The following RHOBTB2 variants were observed in gnomAD, a reference collection of about 807,000 sequenced individuals.
RHOBTB2 encodes rho-related BTB domain-containing protein 2.
RHOBTB2 carries 39 observed loss-of-function variants against 66.5 expected under a neutral mutation model. The ratio of observed to expected loss-of-function variants is 0.59; its 90% CI spans 0.45 to 0.77. RHOBTB2 has a LOEUF of 0.77. RHOBTB2 is among the 30% of genes least tolerant of loss of function. The pLI is 0.00. For synonymous variants in RHOBTB2, 390 were observed against 395.0 expected, an observed-to-expected ratio of 0.99 and a Z score of 0.15; for missense variants, 755 against 999.1, an observed-to-expected ratio of 0.76 and a Z score of 3.29.
At chr8:22,976,590 T>C in the RHOBTB2 span, among the ~76,000 whole-genome samples, 1 of 152,212 alleles carries the variant, frequency 6.6e-6, no homozygotes, top group East Asian at 1.9e-4. Context: ...TTGGGGTAAA[T>C]GTCAGAAGCA....
chr8:22,951,165 A>G, the RHOBTB2 span, among the ~76,000 whole-genome samples: 1 of 151,954 alleles, frequency 6.6e-6, no homozygotes, highest in Non-Finnish European at 1.5e-5. Flanking sequence ...CATTTTTCTA[A>G]GACAAAAAGG....
chr8:22,994,822 A>C (rs1003757280), upstream of RHOBTB2, among the ~76,000 whole-genome samples: 4 of 152,168 alleles, frequency 2.6e-5, no homozygotes, highest in African/African-American at 9.6e-5. Flanking sequence ...CTGGAGTGCA[A>C]TGGCGTGATC....
intron 1 of RHOBTB2, among the ~76,000 whole-genome samples, chr8:22,989,665 C>A (rs1293997404): frequency 6.6e-6 from 1 of 152,154 alleles, no homozygotes; most frequent in African/African-American, 2.4e-5. Context: ...AAACTGAAGG[C>A]CAGAGGTAAA....
chr8:23,015,436 G>C (rs943158936), intron 8 of RHOBTB2, among the ~76,000 whole-genome samples: 9 of 152,140 alleles, frequency 5.9e-5, no homozygotes, highest in Non-Finnish European at 1.0e-4. Flanking sequence ...TGATGGTGGT[G>C]CTGGCGGTGG....
At chr8:22,986,745 TAG>T (rs1810295982), upstream of RHOBTB2, among the ~76,000 whole-genome samples, 1 of 152,164 alleles carries the variant, frequency 6.6e-6, no homozygotes, top group Admixed American at 6.5e-5. Flanking sequence ...ATCAAACCTA[TAG>T]GACTCACAAA....
At chr8:22,952,642 T>A in the RHOBTB2 span, among the ~76,000 whole-genome samples, 1 of 152,142 alleles carries the variant, frequency 6.6e-6, no homozygotes, top group Non-Finnish European at 1.5e-5. Flanking sequence ...TGGTGGCTCA[T>A]GCTTGTAATC....
chr8:22,988,081 T>G (rs1444320617), intron 1 of RHOBTB2, among the ~76,000 whole-genome samples: 1 of 151,588 alleles, frequency 6.6e-6, no homozygotes, highest in Non-Finnish European at 1.5e-5. Context: ...TAGGCCCTCA[T>G]GCCCACTCTA....
the RHOBTB2 span, among the ~76,000 whole-genome samples, chr8:22,976,963 G>A: frequency 1.3e-5 from 2 of 151,988 alleles, no homozygotes; most frequent in Admixed American, 1.3e-4. Flanking sequence ...ATATCAAGAT[G>A]CAAGCTCCCA....
chr8:23,002,110 C>T (rs978217819), intron 1 of RHOBTB2, among the ~76,000 whole-genome samples: 4 of 152,192 alleles, frequency 2.6e-5, no homozygotes, highest in Non-Finnish European at 5.9e-5. Context: ...TCCTCATTCC[C>T]CCGCTTCTGT....
At chr8:22,979,423 A>G in the RHOBTB2 span, among the ~76,000 whole-genome samples, 6 of 152,266 alleles carry the variant, frequency 3.9e-5, no homozygotes, top group African/African-American at 1.4e-4. Context: ...AGTTCTTTCT[A>G]TCCTTTGTGT....
At chr8:22,989,010 C>T (rs1810358054) in intron 1 of RHOBTB2, among the ~76,000 whole-genome samples, 1 of 152,198 alleles carries the variant, frequency 6.6e-6, no homozygotes, top group African/African-American at 2.4e-5. Flanking sequence ...TGTATCTTCT[C>T]CCTCTTCCCT....
At chr8:22,976,468 C>G in the RHOBTB2 span, among the ~76,000 whole-genome samples, 1 of 152,174 alleles carries the variant, frequency 6.6e-6, no homozygotes, top group Admixed American at 6.5e-5. Flanking sequence ...GAAGAAAAAT[C>G]CACTTAAGTC....
At chr8:23,012,368 A>C (rs1811172193) in intron 7 of RHOBTB2, among the ~76,000 whole-genome samples, 1 of 152,238 alleles carries the variant, frequency 6.6e-6, no homozygotes, top group Non-Finnish European at 1.5e-5. Flanking sequence ...GGAAAGGCTT[A>C]TTGAAAATAA....
At chr8:22,963,533 G>GA in the RHOBTB2 span, among the ~76,000 whole-genome samples, 15 of 147,232 alleles carry the variant, frequency 1.0e-4, no homozygotes, top group South Asian at 4.3e-4. Context: ...TTAACAAAGT[G>GA]AAAAAAAAAA....
At chr8:22,965,029 C>T in the RHOBTB2 span, among the ~76,000 whole-genome samples, 3 of 152,048 alleles carry the variant, frequency 2.0e-5, no homozygotes, top group African/African-American at 7.2e-5. Context: ...GTTGGCCAGG[C>T]TGGTCTCGAA....
chr8:23,000,703 C>G lies in RHOBTB2; in HGVS notation c.-11+598C>G, dbSNP rs1810748720. On this transcript the variant is annotated intron_variant, in intron 1 of 9. Transcript: ENST00000251822. ...ATCTGCACGGGGCTTCTTGCAATGCCAGCGACCCCCGTGGGAGCCTCCCCG... is the reference window on the plus strand; with the variant it reads ...ATCTGCACGGGGCTTCTTGCAATGCGAGCGACCCCCGTGGGAGCCTCCCCG... Among the ~76,000 whole-genome samples, 3 of 152,272 alleles carry G rather than the reference C, an allele frequency of 2.0e-5. No homozygotes were observed. The South Asian group carries it at 6.2e-4, about 32-fold the overall frequency.
the RHOBTB2 span, among the ~76,000 whole-genome samples, chr8:22,958,058 C>A: frequency 2.6e-5 from 4 of 152,238 alleles, no homozygotes; most frequent in South Asian, 8.3e-4. Context: ...TTGTTACATC[C>A]CAGTCTTTGT....
chr8:23,007,446 G>A lies in RHOBTB2; in HGVS notation c.1201G>A (p.Ala401Thr), dbSNP rs1426591744. 1 of 1,614,014 alleles carries A rather than the reference G, an allele frequency of 6.2e-7. No homozygotes were observed. The stretch of plus-strand genomic sequence containing the variant: ...TTTTGTGAGCATCCAGGAAGAGATG[G>A]CAGAAGATCCTCTCACCTACAAATC... The part of the protein sequence containing the change: ...RAFVSIQEEM[A>T]EDPLTYKSRL... The change falls in exon 5 of 10, where the codon GCA becomes ACA. Residue 401 changes from alanine (A) to threonine (T), a missense_variant. By Grantham distance (58) the Ala-to-Thr change is moderately conservative. Around this residue, in one of 7 missense-constraint regions of RHOBTB2, gnomAD observed 353 missense variants for 458.2 expected, o/e 0.77. Coordinates refer to ENST00000251822, the MANE Select transcript of RHOBTB2 (RefSeq NM_015178.3).
At chr8:22,983,767 C>T (rs1810249658), upstream of RHOBTB2, among the ~76,000 whole-genome samples, 1 of 151,574 alleles carries the variant, frequency 6.6e-6, no homozygotes, top group Non-Finnish European at 1.5e-5. Context: ...CAGAGTTTTG[C>T]TCTGTCACCC....
Sources: allele counts gnomAD v4.1 joint callset (sites outside exome capture counted in the v4.1 genomes callset), GRCh38; gene constraint gnomAD v4.1.1; regional missense constraint gnomAD v4.1.1; transcripts MANE v1.5; gene names NCBI Gene and HGNC (gene_info 2026-07-23, HGNC 2026-07-21).